RAB37: variants seen among roughly 807,000 people sequenced by gnomAD.
The protein encoded by RAB37 is ras-related protein Rab-37.
RAB37 carries 29 observed loss-of-function variants against 33.1 expected under a neutral mutation model. The ratio of observed to expected loss-of-function variants is 0.88; its 90% CI spans 0.65 to 1.20. RAB37 has a LOEUF of 1.20. RAB37 is among the 50% of genes most tolerant of loss of function. RAB37 has a pLI of 0.00. For synonymous variants in RAB37, 128 were observed against 119.5 expected, an observed-to-expected ratio of 1.07 and a Z score of -0.47; for missense variants, 299 against 301.1, an observed-to-expected ratio of 0.99 and a Z score of 0.05.
chr17:74,677,707 T>C lies in RAB37; in HGVS notation c.72+6049T>C, dbSNP rs570081184. 6 of 152,336 alleles carry C rather than the reference T, an allele frequency of 3.9e-5. No homozygotes were observed. In the East Asian group the frequency reaches 9.6e-4, roughly 24 times the overall value. 9.4% of individuals were successfully genotyped at this position (152,336 alleles called of 1,614,324 possible). ...CAATCTGGTGCCGTCTGGGACTCCT[T>C]TGGCTGATAGGTCGGTCCTGCCCAG... On this transcript the variant is annotated intron_variant, in intron 1 of 7. Transcript: ENST00000340415.
chr17:74,681,136 C>T (rs562177971), intron 1 of RAB37, among the ~76,000 whole-genome samples: 2 of 152,370 alleles, frequency 1.3e-5, no homozygotes, highest in Admixed American at 6.5e-5. Context: ...ATGGCTCAGG[C>T]CACATCTGAC....
intron 1 of RAB37, chr17:74,696,146 G>A (rs954600099): frequency 1.9e-6 from 3 of 1,574,916 alleles, no homozygotes; most frequent in Non-Finnish European, 2.6e-6. Flanking sequence ...ATGAGGAAGG[G>A]GAAAGAAGCT....
Position 74,676,438 on chromosome 17 carries a change from T to C in RAB37, c.72+4780T>C, listed in dbSNP as rs572684378. Among the ~76,000 whole-genome samples the C allele has an allele frequency of 1.3e-5, 2 of 152,266 alleles. No individual in the cohort carries two copies. The highest frequency in any genetic ancestry group is 3.9e-4 in the East Asian group (2 of 5,180). ...CCAGGTCTCTGTCTTCCAAAGTATG[T>C]CCATTTCCTCCGACTGCTCTAACAC... On this transcript the variant is annotated intron_variant, in intron 1 of 7. Transcript: ENST00000340415. This position sits in a 1 kb window ranked among gnomAD's most constrained non-coding sequence, Gnocchi z 4.1.
At chr17:74,677,846 C>G (rs2031869053) in intron 1 of RAB37, among the ~76,000 whole-genome samples, 1 of 152,172 alleles carries the variant, frequency 6.6e-6, no homozygotes, top group South Asian at 2.1e-4. Context: ...GTTTTCCAAA[C>G]TCTCCAGGCT....
At chr17:74,683,952 A>C (rs1005091620) in intron 1 of RAB37, among the ~76,000 whole-genome samples, 3 of 152,178 alleles carry the variant, frequency 2.0e-5, no homozygotes, top group Non-Finnish European at 4.4e-5. Flanking sequence ...GTGGGTGGGC[A>C]AGTCCTCAGG....
At position 74,744,364 on chromosome 17, in the gene RAB37, AG is replaced by A; in HGVS notation, c.425del (p.Gly142AlafsTer6). 6.2e-7 allele frequency: 1 copy of A among 1,614,116 alleles called. No homozygotes were observed. Reference protein sequence around the residue: ...AQRDVVIMLLGNKADMSSERV... With the variant: ...AQRDVVIMLLXNKADMSSERV... The stretch of plus-strand genomic sequence containing the variant: ...AGAGGGACGTGGTGATCATGCTGCT[AG>A]GCAACAAGGTGAGTGGCTCCGGGGC... On this transcript the variant is annotated frameshift_variant, in exon 6 of 9. Transcript: ENST00000392613. LOFTEE classifies it high-confidence loss of function. This position sits in a 1 kb window ranked among gnomAD's most constrained non-coding sequence, Gnocchi z 4.2.
intron 1 of RAB37, among the ~76,000 whole-genome samples, chr17:74,692,956 T>C (rs1201808807): frequency 2.6e-5 from 4 of 152,070 alleles, no homozygotes; most frequent in African/African-American, 9.7e-5. Flanking sequence ...ACGGGGGATA[T>C]GGGAGTGAAT....
rs536344355 is a variant in RAB37 at position 74,676,336 on chromosome 17, G to C, written c.72+4678G>C. ...GGACAAAGTCAGTCTCAGAAAGACT[G>C]GGGGTGGGGGGCAGAAAAACGTGAG... On this transcript the variant is annotated intron_variant, in intron 1 of 7. Transcript: ENST00000340415. The surrounding 1 kb of genome is among the most constrained non-coding windows in gnomAD (Gnocchi z 4.1). 3.9e-5 allele frequency among the ~76,000 whole-genome samples: 6 copies of C among 152,220 alleles called. No individual in the cohort carries two copies. The East Asian group carries it at 1.2e-3, about 29-fold the overall frequency.
At chr17:74,713,373 CA>C (rs1411687537) in intron 1 of RAB37, among the ~76,000 whole-genome samples, 1 of 150,630 alleles carries the variant, frequency 6.6e-6, no homozygotes, top group East Asian at 2.0e-4. Context: ...AGGCAGTTGA[CA>C]ATGCAAGGGG....
chr17:74,698,148 G>A (rs1235679639), intron 1 of RAB37, among the ~76,000 whole-genome samples: 5 of 152,208 alleles, frequency 3.3e-5, no homozygotes, highest in African/African-American at 1.2e-4. Context: ...GAAGGGGAAG[G>A]ACGGAGGTGC....
In RAB37 at chr17:74,738,492, G is replaced by T. The variant is rs2034534052; in HGVS notation, c.93+1127G>T. Among the ~76,000 whole-genome samples, 1 of 152,200 alleles carries T rather than the reference G, an allele frequency of 6.6e-6. No homozygotes were observed. The highest frequency in any genetic ancestry group is 1.5e-5 in the Non-Finnish European group (1 of 68,032). ...TGTTGCCCTGCAAACCAGCTGGGTT[G>T]TTTGCCTAGGAGGTGGCCAGGCTAG... On this transcript the variant is annotated intron_variant, in intron 1 of 8. Transcript: ENST00000392613. This position sits in a 1 kb window ranked among gnomAD's most constrained non-coding sequence, Gnocchi z 5.0.
At chr17:74,698,383 T>G in intron 1 of RAB37, 1 of 1,613,032 alleles carries the variant, frequency 6.2e-7, no homozygotes, top group Non-Finnish European at 8.5e-7. Flanking sequence ...CTGCTGGTAC[T>G]TCATCATCCT....
chr17:74,729,224 C>T lies in RAB37; in HGVS notation c.73-32C>T. 3.9e-6 allele frequency: 6 copies of T among 1,522,946 alleles called. No homozygotes were observed. Among genetic ancestry groups the T allele is most frequent in the South Asian group, 2.2e-5 (2 of 89,312 alleles). 94.3% of individuals were successfully genotyped at this position (1,522,946 alleles called of 1,614,324 possible). A position where few individuals can be genotyped will look rare whatever the true frequency, so the allele number is the denominator to read the frequency against. ...CTCTGAGGCCAACTCACATCACAGG[C>T]CCTCAGCTCTCTCTCTATTGTTCCC... On this transcript the variant is annotated intron_variant, in intron 1 of 7. Coordinates refer to the RAB37 transcript ENST00000340415. This position sits in a 1 kb window ranked among gnomAD's most constrained non-coding sequence, Gnocchi z 4.2.
intron 1 of RAB37, among the ~76,000 whole-genome samples, chr17:74,718,952 G>A (rs1459244444): frequency 6.6e-6 from 1 of 152,158 alleles, no homozygotes; most frequent in African/African-American, 2.4e-5. Flanking sequence ...AACATAAAAA[G>A]TATGGCAGTG....
intron 2 of RAB37, among the ~76,000 whole-genome samples, 161 bp downstream of exon 2, chr17:74,741,039 G>A (rs1460148127): frequency 1.3e-5 from 2 of 152,088 alleles, no homozygotes; most frequent in Admixed American, 1.3e-4. Context: ...AGGTGGCCGG[G>A]TCAAAGGAGA....
In RAB37 at chr17:74,729,989, G is replaced by A. The variant is rs1216731994; in HGVS notation, c.183+623G>A. Among the ~76,000 whole-genome samples the A allele has an allele frequency of 6.6e-6, 1 of 152,130 alleles. No homozygotes were observed. On this transcript the variant is annotated intron_variant, in intron 2 of 7. Transcript: ENST00000340415. The surrounding 1 kb of genome is among the most constrained non-coding windows in gnomAD (Gnocchi z 4.2). ...TTAGTCCTCGGTAAAATGGTAAAAG[G>A]GCAGCTCGGGTTAAGGAAGCCCAGT...
At chr17:74,737,170 G>T, upstream of RAB37, 2 of 1,551,078 alleles carry the variant, frequency 1.3e-6, no homozygotes, top group Non-Finnish European at 8.7e-7. Context: ...GAGCCTGAGG[G>T]GTCCCGGTCG....
intron 1 of RAB37, among the ~76,000 whole-genome samples, chr17:74,700,878 T>C (rs899964925): frequency 6.6e-6 from 1 of 152,008 alleles, no homozygotes; most frequent in Non-Finnish European, 1.5e-5. Flanking sequence ...TATTTGAAGA[T>C]AGGATCTTTA....
chr17:74,728,260 ATG>A (rs1188401315), intron 1 of RAB37, among the ~76,000 whole-genome samples: 29 of 150,458 alleles, frequency 1.9e-4, no homozygotes, highest in African/African-American at 6.1e-4. Context: ...GTTGGTGTAC[ATG>A]TGTTTCCACA....
Sources: allele counts gnomAD v4.1 joint callset (sites outside exome capture counted in the v4.1 genomes callset), GRCh38; gene constraint gnomAD v4.1.1; non-coding constraint Gnocchi (gnomAD v3.1); transcripts MANE v1.5; gene names NCBI Gene and HGNC (gene_info 2026-07-23, HGNC 2026-07-21).